CCDC77: variants seen among roughly 807,000 people sequenced by gnomAD.
The protein encoded by CCDC77 is coiled-coil domain containing 77.
Under a neutral mutation model 66.8 loss-of-function variants are expected in CCDC77, and 56 were observed. The ratio of observed to expected loss-of-function variants is 0.84; its 90% CI spans 0.68 to 1.05. The LOEUF is 1.05. Ranked by LOEUF, CCDC77 falls within the 50% of genes least tolerant of loss-of-function variation. CCDC77 has a pLI of 0.00. For synonymous variants in CCDC77, 196 were observed against 195.2 expected (o/e 1.00, Z -0.03); for missense variants, 570 against 576.8 (o/e 0.99, Z 0.12).
chr12:409,546 T>G, intron 3 of CCDC77, 125 bp downstream of exon 3: 5 of 861,452 alleles, frequency 5.8e-6, no homozygotes, highest in Non-Finnish European at 9.3e-6. Flanking sequence ...GAGACAGAGT[T>G]TCACTCTGTG....
chr12:389,349 A>C, upstream of CCDC77: 1 of 621,118 alleles, frequency 1.6e-6, no homozygotes, highest in South Asian at 1.8e-5. Context: ...CAGGAAACGG[A>C]ATCCTTCCGC....
At chr12:391,990 T>C (rs1162946262) in intron 1 of CCDC77, among the ~76,000 whole-genome samples, 1 of 152,242 alleles carries the variant, frequency 6.6e-6, no homozygotes, top group African/African-American at 2.4e-5. Context: ...TGCTTACCCC[T>C]TTGAAAATCA....
Position 411,952 on chromosome 12 carries a change from C to T in CCDC77, c.244C>T (p.Leu82Phe), listed in dbSNP as rs150306656. The stretch of plus-strand genomic sequence containing the variant: ...TGAGGACTTGCTGAAGAAACTGGAA[C>T]TCTACAAAGAAGCTTGTGAAGGACA... ...ENEDLLKKLE[L>F]YKEACEGQHK... Residue 82 changes from leucine to phenylalanine, a missense_variant, in exon 4 of 13, where the codon CTC (leucine) becomes TTC (phenylalanine). Leu to Phe is a conservative substitution (Grantham distance 22). Coordinates refer to ENST00000239830, the MANE Select transcript of CCDC77 (RefSeq NM_032358.4). 3.0e-5 allele frequency: 49 copies of T among 1,613,714 alleles called. No individual in the cohort carries two copies. Among genetic ancestry groups the T allele is most frequent in the Non-Finnish European group, 3.6e-5 (43 of 1,179,864 alleles).
intron 1 of CCDC77, among the ~76,000 whole-genome samples, chr12:392,530 G>A (rs1944769233): frequency 6.6e-6 from 1 of 152,106 alleles, no homozygotes; most frequent in Non-Finnish European, 1.5e-5. Context: ...GATCACTTGA[G>A]GTTAGGAGTT....
intron 9 of CCDC77, chr12:436,791 A>T: frequency 1.0e-6 from 1 of 982,638 alleles, no homozygotes; most frequent in Non-Finnish European, 1.2e-6. Flanking sequence ...TCTTCCTAAG[A>T]AGGGCATGAA....
intron 5 of CCDC77, among the ~76,000 whole-genome samples, chr12:419,200 A>G (rs962498086): frequency 3.9e-5 from 6 of 152,192 alleles, no homozygotes; most frequent in African/African-American, 7.2e-5. Context: ...CAACCCCCAT[A>G]GGGAGCACTA....
chr12:418,706 C>T, intron 5 of CCDC77, 70 bp downstream of exon 5: 2 of 1,510,978 alleles, frequency 1.3e-6, no homozygotes, highest in Non-Finnish European at 1.8e-6. Flanking sequence ...TTCATTCATT[C>T]ATTCATTGAT....
chr12:400,116 T>C (rs758637277), upstream of CCDC77, among the ~76,000 whole-genome samples: 2 of 152,266 alleles, frequency 1.3e-5, no homozygotes, highest in Non-Finnish European at 2.9e-5. Flanking sequence ...ATAGCTCCTT[T>C]CCTTAAACCT....
chr12:403,248 C>G (rs1944929605), intron 1 of CCDC77, among the ~76,000 whole-genome samples: 2 of 152,176 alleles, frequency 1.3e-5, no homozygotes, highest in Non-Finnish European at 2.9e-5. Flanking sequence ...AACTTGAAGA[C>G]AGAACCTCTG....
At chr12:441,068 CTGAAAAGAAGGA>C (rs1945849917) in intron 12 of CCDC77, 72 bp downstream of exon 12, 2 of 1,507,450 alleles carry the variant, frequency 1.3e-6, no homozygotes, top group Middle Eastern at 1.7e-4. Flanking sequence ...ACGAGGGCCC[CTGAAAAGAAGGA>C]TGTGCTGTTT....
chr12:406,032 C>T (rs1315306539), intron 2 of CCDC77, among the ~76,000 whole-genome samples: 1 of 151,714 alleles, frequency 6.6e-6, no homozygotes, highest in Non-Finnish European at 1.5e-5. Flanking sequence ...ATCCTCCTAC[C>T]TCGGCCTCCT....
chr12:400,456 G>A (rs956305909), upstream of CCDC77, among the ~76,000 whole-genome samples: 3 of 152,162 alleles, frequency 2.0e-5, no homozygotes, highest in Admixed American at 2.0e-4. Flanking sequence ...TTTTCACTGA[G>A]CTTAATCATT....
intron 2 of CCDC77, among the ~76,000 whole-genome samples, chr12:408,635 G>C (rs1945043989): frequency 6.6e-6 from 1 of 152,110 alleles, no homozygotes; most frequent in African/African-American, 2.4e-5. Flanking sequence ...CTGAGTAGCA[G>C]GGACTATAGG....
intron 3 of CCDC77, chr12:409,661 C>A: frequency 2.1e-5 from 10 of 487,506 alleles, no homozygotes; most frequent in South Asian, 1.5e-4. Context: ...TGATTACAGG[C>A]ATAAGCCACT....
At chr12:415,386 A>AT (rs1235349312) in intron 4 of CCDC77, among the ~76,000 whole-genome samples, 10 of 80,878 alleles carry the variant, frequency 1.2e-4, no homozygotes, top group South Asian at 5.0e-4. Flanking sequence ...ACATAATATT[A>AT]TGTTAATATA....
At chr12:436,253 G>C (rs527839670) in intron 9 of CCDC77, among the ~76,000 whole-genome samples, 1 of 151,356 alleles carries the variant, frequency 6.6e-6, no homozygotes, top group Non-Finnish European at 1.5e-5. Flanking sequence ...GAGTAGCTGG[G>C]ACTACAGGCG....
chr12:391,380 A>G (rs940452620), intron 1 of CCDC77, among the ~76,000 whole-genome samples: 2 of 152,084 alleles, frequency 1.3e-5, no homozygotes, highest in African/African-American at 4.8e-5. Context: ...GCTTGAACCC[A>G]GGAGGTGGAA....
chr12:398,410 A>T (rs1944855981), upstream of CCDC77, among the ~76,000 whole-genome samples: 1 of 151,126 alleles, frequency 6.6e-6, no homozygotes, highest in South Asian at 2.1e-4. Flanking sequence ...TCATCATGAG[A>T]TTGCAGCAAT....
chr12:390,736 A>AACACACACACACACACACACACAC (rs58938735), intron 1 of CCDC77, among the ~76,000 whole-genome samples: 191 of 149,452 alleles, frequency 1.3e-3, no homozygotes, highest in African/African-American at 4.5e-3. Flanking sequence ...TATCTTTATA[A>AACACACACACACACACACACACAC]ACACACACAC....
Sources: allele counts gnomAD v4.1 joint callset (sites outside exome capture counted in the v4.1 genomes callset), GRCh38; gene constraint gnomAD v4.1.1; transcripts MANE v1.5; gene names NCBI Gene and HGNC (gene_info 2026-07-23, HGNC 2026-07-21).